The following JAM2 variants were observed in gnomAD, a reference collection of about 807,000 sequenced individuals.
The protein encoded by JAM2 is junctional adhesion molecule B.
Under a neutral mutation model 42.0 loss-of-function variants are expected in JAM2, and 17 were observed. The observed-to-expected ratio is 0.40, with a 90% confidence interval of 0.28 to 0.61. The LOEUF (loss-of-function observed/expected upper bound fraction) is 0.61, where lower values mean the gene tolerates loss of function less well. JAM2 is among the 20% of genes least tolerant of loss of function. The probability of loss-of-function intolerance (pLI) is 0.37; values close to 1 mark genes in which losing one functional copy is unlikely to be tolerated. For missense variants in JAM2, 319 were observed against 358.3 expected, an observed-to-expected ratio of 0.89 and a Z score of 0.89; for synonymous variants, 118 against 128.6, an observed-to-expected ratio of 0.92 and a Z score of 0.56.
chr21:25,687,598 T>C (rs944045249), intron 2 of JAM2, among the ~76,000 whole-genome samples: 7 of 152,224 alleles, frequency 4.6e-5, no homozygotes, highest in African/African-American at 1.4e-4. Flanking sequence ...TTGTTTCTTA[T>C]GGCTGCCATT....
chr21:25,657,650 T>A (rs985311876), intron 1 of JAM2, among the ~76,000 whole-genome samples: 1 of 152,206 alleles, frequency 6.6e-6, no homozygotes, highest in Non-Finnish European at 1.5e-5. Context: ...CTGCCCTTAG[T>A]AATCATATGG....
In JAM2 at chr21:25,706,013, A is replaced by G. The variant is rs200506860; in HGVS notation, c.732A>G (p.Val244=). The change falls in exon 7 of 10, where the codon GTA becomes GTG. Residue 244 remains valine, a synonymous_variant. Coordinates refer to ENST00000480456, the MANE Select transcript of JAM2 (RefSeq NM_021219.4). ...ACATAAGTGGCATCATAGCAGCCGT[A>G]GTAGTTGTGGCCTTAGTGATTTCCG... is the stretch of plus-strand genomic sequence containing the variant. ...DLNISGIIAA[V]VVVALVISVC... is the part of the protein sequence containing the mutation. 1,231 of 1,613,796 alleles carry G rather than the reference A, an allele frequency of 7.6e-4. 19 individuals carry two copies. The South Asian group carries it at 0.013, about 17-fold the overall frequency.
intron 7 of JAM2, among the ~76,000 whole-genome samples, chr21:25,708,764 T>C (rs1013428567): frequency 6.6e-6 from 1 of 152,142 alleles, no homozygotes; most frequent in East Asian, 1.9e-4. Context: ...CTGGTCTGAG[T>C]TTTTTTAATG....
rs548338257 is a variant in JAM2 at position 25,695,684 on chromosome 21, G to A, written c.394+1776G>A. On this transcript the variant is annotated intron_variant, in intron 4 of 9. Coordinates refer to ENST00000480456, the MANE Select transcript of JAM2 (RefSeq NM_021219.4). Reference sequence around the variant, plus strand: ...TCCCAGACGGGGCGGGGCGGCTGCCGGGCGGAGGGGCTCCTCACTTTCCAG... The same window carrying A: ...TCCCAGACGGGGCGGGGCGGCTGCCAGGCGGAGGGGCTCCTCACTTTCCAG... 5.8e-3 allele frequency among the ~76,000 whole-genome samples: 880 copies of A among 151,276 alleles called. 7 individuals are homozygous for A. The highest frequency in any genetic ancestry group is 0.02 in the African/African-American group (839 of 41,164).
chr21:25,677,901 C>T (rs1197775963), intron 1 of JAM2, among the ~76,000 whole-genome samples: 1 of 152,160 alleles, frequency 6.6e-6, no homozygotes, highest in Non-Finnish European at 1.5e-5. Flanking sequence ...GAAAGTTTCA[C>T]AGAACAATGG....
intron 1 of JAM2, among the ~76,000 whole-genome samples, chr21:25,655,523 C>T (rs1202456165): frequency 1.4e-5 from 2 of 147,888 alleles, no homozygotes; most frequent in Non-Finnish European, 3.0e-5. Context: ...CTCTGTCACA[C>T]AGGCTGGAGT....
chr21:25,667,165 T>C (rs976088174), intron 1 of JAM2, among the ~76,000 whole-genome samples: 1 of 152,208 alleles, frequency 6.6e-6, no homozygotes, highest in Non-Finnish European at 1.5e-5. Flanking sequence ...AATAAACAAT[T>C]CACCTGGGAT....
chr21:25,688,000 C>G (rs1016553390), intron 2 of JAM2, among the ~76,000 whole-genome samples: 2 of 152,152 alleles, frequency 1.3e-5, no homozygotes, highest in Admixed American at 1.3e-4. Flanking sequence ...TCCCAAAGGG[C>G]AAGGATCTTT....
chr21:25,681,470 G>T (rs140380413), intron 1 of JAM2, among the ~76,000 whole-genome samples: 3 of 152,084 alleles, frequency 2.0e-5, no homozygotes, highest in Non-Finnish European at 4.4e-5. Flanking sequence ...ATCAGATCTC[G>T]TGAGAACTCA....
At chr21:25,641,952 T>C (rs1400798339) in intron 1 of JAM2, among the ~76,000 whole-genome samples, 1 of 152,178 alleles carries the variant, frequency 6.6e-6, no homozygotes, top group Non-Finnish European at 1.5e-5. Flanking sequence ...ATTTTTCTCA[T>C]AACTAGACTG....
At chr21:25,711,424 T>G (rs780448548) in intron 8 of JAM2, 1 of 456,208 alleles carries the variant, frequency 2.2e-6, no homozygotes, top group African/African-American at 2.0e-5. Context: ...TGACAAACTA[T>G]CTGAGGCTAT....
rs35684752 is a variant in JAM2 at position 25,666,315 on chromosome 21, T to TTTATTATTA, written c.68-17550_68-17542dup. ...TTTTAAAAATTACATTGTTACGGCT[T>TTTATTATTA]TTATTATTATTATTATTATTATTAT... On this transcript the variant is annotated intron_variant, in intron 1 of 9. Coordinates refer to ENST00000480456, the MANE Select transcript of JAM2 (RefSeq NM_021219.4). Among the ~76,000 whole-genome samples the TTTATTATTA allele has an allele frequency of 2.8e-3, 415 of 146,608 alleles. 4 individuals are homozygous for TTTATTATTA. Among genetic ancestry groups the TTTATTATTA allele is most frequent in the African/African-American group, 8.0e-3 (312 of 39,234 alleles).
At chr21:25,662,906 C>T (rs1277516187) in intron 1 of JAM2, among the ~76,000 whole-genome samples, 1 of 152,144 alleles carries the variant, frequency 6.6e-6, no homozygotes, top group Admixed American at 6.5e-5. Context: ...GCTCCTAACA[C>T]TATCCAATGG....
chr21:25,661,340 A>G (rs1306380700), intron 1 of JAM2, among the ~76,000 whole-genome samples: 1 of 152,044 alleles, frequency 6.6e-6, no homozygotes, highest in African/African-American at 2.4e-5. Flanking sequence ...GTGCATGCCT[A>G]TAGTCCTAGC....
chr21:25,697,411 A>G (rs1338309382), intron 4 of JAM2, among the ~76,000 whole-genome samples: 1 of 152,196 alleles, frequency 6.6e-6, no homozygotes, highest in African/African-American at 2.4e-5. Context: ...CAGTAGAAAT[A>G]CTGCAATCTT....
chr21:25,647,979 G>A (rs1313408925), intron 1 of JAM2, among the ~76,000 whole-genome samples: 1 of 152,262 alleles, frequency 6.6e-6, no homozygotes, highest in Non-Finnish European at 1.5e-5. Flanking sequence ...GGGAGGCCAA[G>A]ACGGGTGGAT....
chr21:25,690,913 A>C (rs376850698), intron 3 of JAM2, among the ~76,000 whole-genome samples: 1 of 152,208 alleles, frequency 6.6e-6, no homozygotes, highest in East Asian at 1.9e-4. Flanking sequence ...ATAATTTAAA[A>C]TATTGATAAT....
intron 8 of JAM2, chr21:25,711,333 A>G (rs1455446019): frequency 2.3e-6 from 1 of 442,106 alleles, no homozygotes; most frequent in Non-Finnish European, 4.5e-6. Flanking sequence ...GTTTGTGTGT[A>G]CTTGTTTTAT....
chr21:25,705,929 C>A, intron 6 of JAM2, 50 bp from the exon 7 acceptor site: 2 of 1,219,186 alleles, frequency 1.6e-6, no homozygotes, highest in Non-Finnish European at 1.2e-6. Flanking sequence ...ATGACTGCAT[C>A]TGTCCGTGTA....
Sources: allele counts gnomAD v4.1 joint callset (sites outside exome capture counted in the v4.1 genomes callset), GRCh38; gene constraint gnomAD v4.1.1; transcripts MANE v1.5; gene names NCBI Gene and HGNC (gene_info 2026-07-23, HGNC 2026-07-21).